The following NLGN1 variants were observed in gnomAD, a reference collection of about 807,000 sequenced individuals.
NLGN1 encodes the protein neuroligin 1.
A neutral mutation model predicts 65.5 loss-of-function variants in NLGN1; 12 were observed. The observed-to-expected ratio is 0.18, with a 90% CI of 0.12 to 0.30. NLGN1 has a LOEUF of 0.30. Among genes scored for constraint, NLGN1 ranks in the 10% least tolerant of loss-of-function variants. NLGN1 has a pLI of 1.00. For synonymous variants in NLGN1, 350 were observed against 359.5 expected, an observed-to-expected ratio of 0.97 and a Z score of 0.30; for missense variants, 750 against 1,007.1, an observed-to-expected ratio of 0.74 and a Z score of 3.46.
exon 7 of NLGN1, chr3:174,286,317 T>A (rs1752111810): frequency 6.6e-6 from 1 of 151,410 alleles, no homozygotes; most frequent in Non-Finnish European, 1.5e-5. Context: ...AGTTTTGAGT[T>A]GAAATGAATG....
chr3:173,922,410 G>C (rs992393018), intron 4 of NLGN1, among the ~76,000 whole-genome samples: 5 of 151,944 alleles, frequency 3.3e-5, no homozygotes, highest in African/African-American at 1.2e-4. Flanking sequence ...ACTTTGCTAA[G>C]AAATATAGCT....
chr3:173,631,062 C>G (rs1347180442), intron 3 of NLGN1, among the ~76,000 whole-genome samples: 1 of 152,218 alleles, frequency 6.6e-6, no homozygotes, highest in East Asian at 1.9e-4. Context: ...TCTTTGTGAT[C>G]TCTTCTGATT....
chr3:174,159,881 C>A (rs551197806), intron 4 of NLGN1, among the ~76,000 whole-genome samples: 1 of 151,828 alleles, frequency 6.6e-6, no homozygotes, highest in East Asian at 1.9e-4. Flanking sequence ...GCCATGACAG[C>A]CTCCATGGGG....
In NLGN1 at chr3:174,051,532, A is replaced by T. The variant is rs117932864; in HGVS notation, c.647-223783A>T. On this transcript the variant is annotated intron_variant, in intron 4 of 6. Transcript: ENST00000457714. ...ATCAGTTTGGCATGGCTCTTTGCTC[A>T]TAGCCTTATGTATGACAATCAAGTC... Among the ~76,000 whole-genome samples, 956 of 152,188 alleles carry T rather than the reference A, an allele frequency of 6.3e-3. 23 individuals are homozygous for T. The highest frequency in any genetic ancestry group is 0.039 in the East Asian group (200 of 5,158).
At chr3:174,097,207 G>T (rs1341659572) in intron 4 of NLGN1, among the ~76,000 whole-genome samples, 1 of 152,108 alleles carries the variant, frequency 6.6e-6, no homozygotes, top group Admixed American at 6.5e-5. Context: ...TCATGGCAAA[G>T]AATTTCAAAG....
intron 2 of NLGN1, among the ~76,000 whole-genome samples, chr3:173,567,575 A>G (rs1322776812): frequency 2.0e-5 from 3 of 151,560 alleles, no homozygotes; most frequent in African/African-American, 4.8e-5. Flanking sequence ...TACTTTCTTC[A>G]CTTAAATCGT....
chr3:174,120,500 C>G (rs1420587603), intron 4 of NLGN1, among the ~76,000 whole-genome samples: 1 of 149,752 alleles, frequency 6.7e-6, no homozygotes, highest in Admixed American at 6.6e-5. Context: ...GAGCAAGACT[C>G]TGTCTCAAAA....
At chr3:173,405,463 A>T (rs1242082520) in intron 1 of NLGN1, among the ~76,000 whole-genome samples, 1 of 152,038 alleles carries the variant, frequency 6.6e-6, no homozygotes, top group Admixed American at 6.6e-5. Context: ...TTGATTTCAG[A>T]TATGTTAAAG....
intron 2 of NLGN1, among the ~76,000 whole-genome samples, chr3:173,526,202 C>G (rs116026161): frequency 0.024 from 3,603 of 152,014 alleles, 55 homozygotes; most frequent in Middle Eastern, 0.048. Flanking sequence ...TGCTTTCAGT[C>G]TGTTTTCTTA....
chr3:173,961,829 CT>C (rs2152348784), intron 4 of NLGN1, among the ~76,000 whole-genome samples: 1 of 152,050 alleles, frequency 6.6e-6, no homozygotes, highest in East Asian at 1.9e-4. Flanking sequence ...GTTAGAGAAG[CT>C]TTTATCAACC....
chr3:173,517,994 T>G (rs1734128837), intron 2 of NLGN1, among the ~76,000 whole-genome samples: 1 of 152,168 alleles, frequency 6.6e-6, no homozygotes, highest in Non-Finnish European at 1.5e-5. Context: ...CATCCTTTTG[T>G]ACACATGAGA....
intron 4 of NLGN1, among the ~76,000 whole-genome samples, chr3:173,970,952 G>A (rs576232109): frequency 5.9e-5 from 9 of 152,128 alleles, no homozygotes; most frequent in South Asian, 2.1e-4. Flanking sequence ...TGTTTTAGAC[G>A]TGTTAAATTT....
At chr3:174,062,332 A>G (rs1230321607) in intron 4 of NLGN1, among the ~76,000 whole-genome samples, 1 of 152,222 alleles carries the variant, frequency 6.6e-6, no homozygotes, top group South Asian at 2.1e-4. Context: ...TAGAAGGACT[A>G]CGTATAGTTC....
intron 4 of NLGN1, among the ~76,000 whole-genome samples, chr3:174,111,135 C>T (rs906391530): frequency 1.3e-5 from 2 of 151,866 alleles, no homozygotes; most frequent in African/African-American, 4.8e-5. Context: ...GTTTTCATAA[C>T]TATTAGATTT....
At chr3:173,445,958 C>A (rs1037263067) in intron 2 of NLGN1, among the ~76,000 whole-genome samples, 3 of 152,132 alleles carry the variant, frequency 2.0e-5, no homozygotes, top group African/African-American at 7.2e-5. Context: ...CCACCCTTGC[C>A]CTTACTGTGA....
At chr3:174,044,535 A>G (rs1733088888) in intron 4 of NLGN1, among the ~76,000 whole-genome samples, 1 of 152,178 alleles carries the variant, frequency 6.6e-6, no homozygotes, top group African/African-American at 2.4e-5. Flanking sequence ...AAGCTTAGCA[A>G]GAACCACCTT....
intron 4 of NLGN1, among the ~76,000 whole-genome samples, chr3:174,127,375 G>A (rs7627737): frequency 0.28 from 42,223 of 151,848 alleles, 7,931 homozygotes; most frequent in African/African-American, 0.55. Context: ...ATATTTTAAA[G>A]CCACTTGATT....
intron 4 of NLGN1, among the ~76,000 whole-genome samples, chr3:173,912,076 T>C (rs2152226838): frequency 6.6e-6 from 1 of 152,342 alleles, no homozygotes; most frequent in African/African-American, 2.4e-5. Context: ...AGTAACTAAA[T>C]TCTCCTGCAT....
At chr3:173,608,193 G>T (rs1429183618) in intron 3 of NLGN1, among the ~76,000 whole-genome samples, 3 of 151,832 alleles carry the variant, frequency 2.0e-5, no homozygotes, top group African/African-American at 7.2e-5. Flanking sequence ...TGCAATTAAA[G>T]AAAAAAGCTC....
Sources: gnomAD v4.1 joint callset for allele counts (sites outside exome capture counted in the v4.1 genomes callset) on GRCh38, gnomAD v4.1.1 for gene constraint, MANE v1.5 for transcripts, NCBI Gene and HGNC (gene_info 2026-07-23, HGNC 2026-07-21) for gene names.